Variants in TLE1 observed in about 807,000 individuals in gnomAD.
The protein encoded by TLE1 is TLE family member 1, transcriptional corepressor, also known as transducin-like enhancer protein 1.
Under a neutral mutation model 89.8 loss-of-function variants are expected in TLE1, and 21 were observed. That is an observed-to-expected ratio of 0.23 (90% CI 0.17 to 0.34). TLE1 has a LOEUF of 0.34. Among genes scored for constraint, TLE1 ranks in the 10% least tolerant of loss-of-function variants. The pLI is 1.00. For synonymous variants in TLE1, 447 were observed against 407.6 expected (o/e 1.10, Z -1.16); for missense variants, 795 against 1,031.2 (o/e 0.77, Z 3.14).
chr9:81,676,550 A>G (rs1489046408), intron 4 of TLE1, among the ~76,000 whole-genome samples: 1 of 152,216 alleles, frequency 6.6e-6, no homozygotes, highest in East Asian at 1.9e-4. Context: ...GAAGAGGCCT[A>G]TTTGGCAGGA....
rs1469759179 is a variant in TLE1, at chr9:81,685,734, A to G, written c.190-14T>C. 1.9e-6 allele frequency: 3 copies of G among 1,613,090 alleles called. No individual in the cohort carries two copies. The highest frequency in any genetic ancestry group is 1.3e-5 in the African/African-American group (1 of 74,888). ...CATTTCATAATACTGTAAAGAGAAA[A>G]AAGAATCAAGCATTTCATTAACTCA... On this transcript the variant is annotated splice_polypyrimidine_tract_variant and intron_variant, in intron 3 of 19. Coordinates refer to ENST00000376499, the MANE Select transcript of TLE1 (RefSeq NM_005077.5).
intron 6 of TLE1, among the ~76,000 whole-genome samples, chr9:81,646,210 G>A (rs1828843493): frequency 6.6e-6 from 1 of 152,220 alleles, no homozygotes; most frequent in Admixed American, 6.5e-5. Flanking sequence ...AAAGCATGAT[G>A]ACAATAATCC....
chr9:81,661,005 C>T (rs1169351009), intron 4 of TLE1, among the ~76,000 whole-genome samples: 1 of 148,198 alleles, frequency 6.7e-6, no homozygotes, highest in African/African-American at 2.5e-5. Flanking sequence ...TGGCACGTGC[C>T]TGTAGTTCCA....
chr9:81,611,314 T>C (rs1246194647), intron 13 of TLE1, among the ~76,000 whole-genome samples: 2 of 152,066 alleles, frequency 1.3e-5, no homozygotes, highest in Non-Finnish European at 2.9e-5. Context: ...GGGTTTAAAG[T>C]GTAACATAGG....
At chr9:81,652,449 G>A (rs1829674891) in intron 5 of TLE1, among the ~76,000 whole-genome samples, 161 bp from the exon 6 acceptor site, 1 of 151,988 alleles carries the variant, frequency 6.6e-6, no homozygotes, top group Non-Finnish European at 1.5e-5. Flanking sequence ...ACATAGATAG[G>A]GAAAGAAAAA....
intron 4 of TLE1, among the ~76,000 whole-genome samples, chr9:81,655,863 AAAAAAAG>A (rs1275093097): frequency 1.3e-5 from 2 of 151,598 alleles, no homozygotes; most frequent in African/African-American, 4.9e-5. Flanking sequence ...AAAAAAAAAA[AAAAAAAG>A]AAAAGAAAAG....
At chr9:81,663,196 CA>C (rs1307403079) in intron 4 of TLE1, among the ~76,000 whole-genome samples, 1 of 152,134 alleles carries the variant, frequency 6.6e-6, no homozygotes, top group Non-Finnish European at 1.5e-5. Flanking sequence ...TAAGCGCCGT[CA>C]GGCTCACCAC....
intron 6 of TLE1, among the ~76,000 whole-genome samples, chr9:81,650,618 C>T (rs1203464190): frequency 1.3e-5 from 2 of 152,078 alleles, no homozygotes; most frequent in African/African-American, 4.8e-5. Context: ...GAAAAGGGTA[C>T]AGAAGGCAGC....
At chr9:81,610,113 C>A in intron 14 of TLE1, 107 bp downstream of exon 14, 1 of 964,254 alleles carries the variant, frequency 1.0e-6, no homozygotes, top group Non-Finnish European at 1.6e-6. Context: ...CACCAGAAAT[C>A]TCCTTGGAAA....
At position 81,688,622 on chromosome 9, in the gene TLE1, G is replaced by A; in HGVS notation, c.-382C>T. 1 of 226,010 alleles carries A rather than the reference G, an allele frequency of 4.4e-6. No homozygotes were observed. Among genetic ancestry groups the A allele is most frequent in the Non-Finnish European group, 8.5e-6 (1 of 117,082 alleles). The allele number at this position is 226,010 out of a possible 1,614,324, so 14.0% of individuals were successfully genotyped here. On this transcript the variant is annotated 5_prime_UTR_variant, in exon 1 of 20. Coordinates refer to ENST00000376499, the MANE Select transcript of TLE1 (RefSeq NM_005077.5). ...CCGCACTCCCCTCGGCGATCCGCGTGCGCGGCGCCAGTCCTGGGCAAACAA... is the reference window on the plus strand; with the variant it reads ...CCGCACTCCCCTCGGCGATCCGCGTACGCGGCGCCAGTCCTGGGCAAACAA...
intron 6 of TLE1, among the ~76,000 whole-genome samples, chr9:81,651,414 C>A (rs1829514190): frequency 6.6e-6 from 1 of 152,142 alleles, no homozygotes; most frequent in Non-Finnish European, 1.5e-5. Flanking sequence ...GAGCAAATGA[C>A]TTGTGATTGA....
At chr9:81,600,046 C>T (rs1830707472) in intron 14 of TLE1, 1 of 714,600 alleles carries the variant, frequency 1.4e-6, no homozygotes. Context: ...ATTCTGAGTT[C>T]TAGGACCTAA....
At chr9:81,595,473 C>CA (rs933677211) in intron 14 of TLE1, among the ~76,000 whole-genome samples, 15 of 152,086 alleles carry the variant, frequency 9.9e-5, no homozygotes, top group African/African-American at 2.9e-4. Flanking sequence ...CCAAAAACAA[C>CA]AAAAAAATTG....
chr9:81,599,196 A>G (rs1044379337), intron 14 of TLE1, among the ~76,000 whole-genome samples: 1 of 152,122 alleles, frequency 6.6e-6, no homozygotes, highest in Admixed American at 6.5e-5. Flanking sequence ...ACTATCCCTT[A>G]CTGTTTAGAG....
At chr9:81,631,629 A>AT (rs2132323083) in intron 8 of TLE1, among the ~76,000 whole-genome samples, 1 of 152,368 alleles carries the variant, frequency 6.6e-6, no homozygotes, top group South Asian at 2.1e-4. Context: ...GAACATAGCC[A>AT]TTTAAGGTGA....
intron 4 of TLE1, among the ~76,000 whole-genome samples, chr9:81,668,119 C>T (rs1003139048): frequency 1.3e-5 from 2 of 151,506 alleles, no homozygotes; most frequent in Admixed American, 6.6e-5. Flanking sequence ...GAGCCGAGAT[C>T]GCGCCACTGC....
intron 12 of TLE1, 76 bp from the exon 13 acceptor site, chr9:81,612,035 A>G: frequency 8.5e-7 from 1 of 1,170,634 alleles, no homozygotes; most frequent in Non-Finnish European, 1.1e-6. Context: ...TGGCCTCATC[A>G]TTTGTTAGTG....
intron 14 of TLE1, among the ~76,000 whole-genome samples, chr9:81,594,638 A>C (rs919715941): frequency 1.3e-5 from 2 of 152,144 alleles, no homozygotes; most frequent in Non-Finnish European, 2.9e-5. Context: ...TTCAAACCAT[A>C]AACAATAAGT....
chr9:81,663,422 A>G (rs1004113245), intron 4 of TLE1, among the ~76,000 whole-genome samples: 1 of 152,158 alleles, frequency 6.6e-6, no homozygotes, highest in Non-Finnish European at 1.5e-5. Context: ...AAAACAAGAA[A>G]GAGCTGATGA....
Sources: allele counts gnomAD v4.1 joint callset (sites outside exome capture counted in the v4.1 genomes callset), GRCh38; gene constraint gnomAD v4.1.1; transcripts MANE v1.5; gene names NCBI Gene and HGNC (gene_info 2026-07-23, HGNC 2026-07-21).